SGCZ: variants seen among roughly 807,000 people sequenced by gnomAD.
SGCZ encodes sarcoglycan zeta, also known as zeta-sarcoglycan.
A neutral mutation model predicts 41.3 loss-of-function variants in SGCZ; 40 were observed. The observed-to-expected ratio is 0.97, with a 90% CI of 0.75 to 1.26. The LOEUF is 1.26. Among genes scored for constraint, SGCZ ranks in the 50% most tolerant of loss-of-function variants. SGCZ has a pLI of 0.00. For synonymous variants in SGCZ, 206 were observed against 137.5 expected (o/e 1.50, Z -3.49); for missense variants, 552 against 369.8 (o/e 1.49, Z -4.04).
At chr8:15,148,562 CCT>C (rs1272137989) in intron 1 of SGCZ, among the ~76,000 whole-genome samples, 3 of 152,156 alleles carry the variant, frequency 2.0e-5, no homozygotes, top group African/African-American at 7.2e-5. Context: ...TCCTAAATAT[CCT>C]CTGTCTAGTT....
At chr8:14,962,038 A>T (rs1461159570) in intron 1 of SGCZ, among the ~76,000 whole-genome samples, 1 of 152,176 alleles carries the variant, frequency 6.6e-6, no homozygotes, top group Non-Finnish European at 1.5e-5. Flanking sequence ...AAACTTTAAG[A>T]CCAAGTAATA....
At chr8:14,697,844 T>G (rs1026809450) in intron 1 of SGCZ, among the ~76,000 whole-genome samples, 9 of 152,006 alleles carry the variant, frequency 5.9e-5, no homozygotes, top group Admixed American at 2.0e-4. Context: ...TTCTCAACAT[T>G]TGTTCTTTTC....
At chr8:15,143,486 G>T (rs1272914411) in intron 1 of SGCZ, among the ~76,000 whole-genome samples, 1 of 152,184 alleles carries the variant, frequency 6.6e-6, no homozygotes, top group Non-Finnish European at 1.5e-5. Context: ...ATATTCTCAT[G>T]CTCCAGTTTT....
chr8:14,093,270 C>A (rs556293753), intron 7 of SGCZ, among the ~76,000 whole-genome samples: 7 of 146,588 alleles, frequency 4.8e-5, no homozygotes, highest in African/African-American at 1.9e-4. Context: ...TCCTGGTGGC[C>A]GATTTTTGTC....
intron 1 of SGCZ, among the ~76,000 whole-genome samples, chr8:14,875,371 T>A (rs578220569): frequency 8.8e-4 from 134 of 152,254 alleles, no homozygotes; most frequent in African/African-American, 3.2e-3. Flanking sequence ...CACTACTGTA[T>A]TAAGGACTAG....
chr8:14,673,192 G>C (rs574673280), intron 1 of SGCZ, among the ~76,000 whole-genome samples: 16 of 152,292 alleles, frequency 1.1e-4, no homozygotes, highest in Non-Finnish European at 2.4e-4. Flanking sequence ...ATACTGTCTT[G>C]TAAACATTAA....
At chr8:14,250,027 A>G (rs1361144631) in intron 3 of SGCZ, among the ~76,000 whole-genome samples, 1 of 152,210 alleles carries the variant, frequency 6.6e-6, no homozygotes, top group Non-Finnish European at 1.5e-5. Flanking sequence ...CATACAAATC[A>G]TCTGAAGATA....
chr8:14,493,741 C>G (rs756046700), intron 2 of SGCZ, among the ~76,000 whole-genome samples: 3 of 151,968 alleles, frequency 2.0e-5, no homozygotes, highest in Non-Finnish European at 2.9e-5. Context: ...CCAAGGGAAG[C>G]CTTACCTGGA....
chr8:15,220,584 C>G (rs1801561500), intron 1 of SGCZ, among the ~76,000 whole-genome samples: 1 of 152,094 alleles, frequency 6.6e-6, no homozygotes, highest in South Asian at 2.1e-4. Flanking sequence ...ACTAGTTCAA[C>G]CATTGTGGAA....
At chr8:14,538,608 A>G (rs1422917506) in intron 2 of SGCZ, among the ~76,000 whole-genome samples, 8 of 151,996 alleles carry the variant, frequency 5.3e-5, no homozygotes, top group African/African-American at 1.4e-4. Flanking sequence ...TAGAAGAATA[A>G]TTATAACTTT....
intron 1 of SGCZ, among the ~76,000 whole-genome samples, chr8:14,982,122 C>T (rs1801683880): frequency 6.7e-6 from 1 of 149,934 alleles, no homozygotes; most frequent in African/African-American, 2.5e-5. Flanking sequence ...TGTACTCCTG[C>T]ACTCCAGCCT....
At chr8:14,810,850 A>G (rs1476402345) in intron 1 of SGCZ, among the ~76,000 whole-genome samples, 5 of 152,064 alleles carry the variant, frequency 3.3e-5, no homozygotes, top group African/African-American at 9.6e-5. Flanking sequence ...ACCACTGACT[A>G]TAATACAAAA....
At chr8:14,423,293 C>A (rs1225892896) in intron 2 of SGCZ, among the ~76,000 whole-genome samples, 5 of 150,254 alleles carry the variant, frequency 3.3e-5, no homozygotes, top group African/African-American at 1.2e-4. Flanking sequence ...GCACATGTAC[C>A]CTAAAACTTA....
chr8:14,375,751 T>A (rs1266525043), intron 2 of SGCZ, among the ~76,000 whole-genome samples: 1 of 152,168 alleles, frequency 6.6e-6, no homozygotes, highest in Non-Finnish European at 1.5e-5. Context: ...GCCTTCAGTA[T>A]GTTTAGTACT....
At chr8:14,942,198 A>G (rs1031111058) in intron 1 of SGCZ, among the ~76,000 whole-genome samples, 8 of 152,128 alleles carry the variant, frequency 5.3e-5, no homozygotes, top group African/African-American at 1.9e-4. Context: ...GTCCCCGTAC[A>G]GAAAAGGACC....
At chr8:15,049,832 G>C (rs1804449259) in intron 1 of SGCZ, among the ~76,000 whole-genome samples, 1 of 152,110 alleles carries the variant, frequency 6.6e-6, no homozygotes, top group Non-Finnish European at 1.5e-5. Context: ...AGATCTGATG[G>C]TTTTATAAAT....
intron 1 of SGCZ, among the ~76,000 whole-genome samples, chr8:14,836,601 T>G (rs1434221515): frequency 7.2e-5 from 11 of 152,146 alleles, no homozygotes; most frequent in Admixed American, 7.2e-4. Context: ...TGGGTTCAAG[T>G]GCTTCTCGTG....
intron 4 of SGCZ, among the ~76,000 whole-genome samples, chr8:14,204,730 T>C (rs77758351): frequency 0.024 from 3,654 of 152,262 alleles, 149 homozygotes; most frequent in African/African-American, 0.082. Context: ...ATTTTTATGC[T>C]GAAGCTGGGA....
At chr8:15,172,153 T>TG (rs1799851661) in intron 1 of SGCZ, among the ~76,000 whole-genome samples, 10 of 109,930 alleles carry the variant, frequency 9.1e-5, no homozygotes, top group South Asian at 3.0e-4. Context: ...TTTTATACTC[T>TG]GTTTTTTTTT....
Sources: allele counts gnomAD v4.1 joint callset (sites outside exome capture counted in the v4.1 genomes callset), GRCh38; gene constraint gnomAD v4.1.1; transcripts MANE v1.5; gene names NCBI Gene and HGNC (gene_info 2026-07-23, HGNC 2026-07-21).